RBFOX1: variants seen among roughly 807,000 people sequenced by gnomAD.
RBFOX1 encodes the protein RNA binding protein fox-1 homolog 1.
RBFOX1 carries 8 observed loss-of-function variants against 57.7 expected under a neutral mutation model. The ratio of observed to expected loss-of-function variants is 0.14; its 90% CI spans 0.08 to 0.25. RBFOX1 has a LOEUF of 0.25. Among genes scored for constraint, RBFOX1 ranks in the 10% least tolerant of loss-of-function variants. The probability of loss-of-function intolerance (pLI) is 1.00; values close to 1 mark genes in which losing one functional copy is unlikely to be tolerated. For missense variants in RBFOX1, 611 were observed against 548.5 expected, an observed-to-expected ratio of 1.11 and a Z score of -1.14; for synonymous variants, 326 against 222.4, an observed-to-expected ratio of 1.47 and a Z score of -4.15.
At chr16:6,557,621 G>C (rs1473624153) in intron 2 of RBFOX1, among the ~76,000 whole-genome samples, 1 of 152,144 alleles carries the variant, frequency 6.6e-6, no homozygotes. Context: ...GTTAAGTATC[G>C]CTGATTAATT....
intron 3 of RBFOX1, among the ~76,000 whole-genome samples, chr16:6,847,235 A>T (rs1423707672): frequency 6.6e-6 from 1 of 152,066 alleles, no homozygotes; most frequent in Non-Finnish European, 1.5e-5. Flanking sequence ...CATGATATAC[A>T]ACATGTATCT....
At chr16:5,914,987 T>A (rs2109033) in intron 4 of RBFOX1, among the ~76,000 whole-genome samples, 1 of 151,896 alleles carries the variant, frequency 6.6e-6, no homozygotes, top group Admixed American at 6.6e-5. Flanking sequence ...CCTACTATTG[T>A]GATGTGCCAT....
intron 2 of RBFOX1, among the ~76,000 whole-genome samples, chr16:6,621,187 C>T (rs1027750559): frequency 2.5e-4 from 38 of 152,178 alleles, no homozygotes; most frequent in Admixed American, 2.2e-3. Context: ...TCAGGCCGGG[C>T]GCGGTGGCTC....
chr16:5,521,070 GC>G (rs2043994264), intron 2 of RBFOX1, among the ~76,000 whole-genome samples: 1 of 152,192 alleles, frequency 6.6e-6, no homozygotes, highest in Non-Finnish European at 1.5e-5. Context: ...TACTGAACCA[GC>G]CCCTAACCTC....
intron 3 of RBFOX1, among the ~76,000 whole-genome samples, chr16:6,961,011 G>A (rs2082864303): frequency 6.7e-6 from 1 of 150,050 alleles, no homozygotes; most frequent in Admixed American, 6.7e-5. Context: ...GGGCATGGTG[G>A]CCAGCAACTA....
At position 6,513,193 on chromosome 16, in the gene RBFOX1, G is replaced by C. The variant is rs1598601056; in HGVS notation, c.-63-141410G>C. On this transcript the variant is annotated intron_variant, in intron 2 of 15. Coordinates refer to ENST00000550418, the MANE Select transcript of RBFOX1 (RefSeq NM_018723.4). ...TTCATCTGTAAACTCATGAGAGTAAGAATGCCTAGCATATTGGGGCTTAGG... is the reference window on the plus strand; with the variant it reads ...TTCATCTGTAAACTCATGAGAGTAACAATGCCTAGCATATTGGGGCTTAGG... 2.6e-5 allele frequency among the ~76,000 whole-genome samples: 4 copies of C among 152,298 alleles called. 1 individual carries two copies. In the East Asian group the frequency reaches 7.7e-4, roughly 29 times the overall value.
chr16:7,675,660 G>C (rs145744166), intron 13 of RBFOX1, among the ~76,000 whole-genome samples: 1 of 152,092 alleles, frequency 6.6e-6, no homozygotes, highest in Admixed American at 6.5e-5. Flanking sequence ...ATGTCTTATC[G>C]TATTTAGTTT....
intron 3 of RBFOX1, among the ~76,000 whole-genome samples, chr16:6,685,300 G>T (rs2059267023): frequency 7.4e-6 from 1 of 134,258 alleles, no homozygotes; most frequent in Non-Finnish European, 1.5e-5. Flanking sequence ...TTTTGAGATG[G>T]AGTCTCACCC....
At chr16:6,391,921 A>T (rs2092622753) in intron 2 of RBFOX1, among the ~76,000 whole-genome samples, 1 of 152,198 alleles carries the variant, frequency 6.6e-6, no homozygotes, top group Non-Finnish European at 1.5e-5. Context: ...AGCGCTGAGG[A>T]GAGAGTGAAT....
intron 3 of RBFOX1, among the ~76,000 whole-genome samples, chr16:7,034,841 C>CTTTTTCTTTTTTTTTTTTTTTTTT (rs1424741274): frequency 2.6e-5 from 1 of 39,166 alleles, no homozygotes; most frequent in African/African-American, 1.2e-4. Flanking sequence ...TTTTTTTTTT[C>CTTTTTCTTTTTTTTTTTTTTTTTT]TTTTTTCTTT....
intron 1 of RBFOX1, among the ~76,000 whole-genome samples, chr16:5,257,225 A>G (rs1467153550): frequency 2.6e-5 from 4 of 152,224 alleles, no homozygotes; most frequent in Non-Finnish European, 4.4e-5. Flanking sequence ...ACCTTAGGCA[A>G]TATCTGCAAA....
intron 4 of RBFOX1, among the ~76,000 whole-genome samples, chr16:7,289,475 C>G (rs1166871198): frequency 6.6e-6 from 1 of 152,082 alleles, no homozygotes; most frequent in African/African-American, 2.4e-5. Context: ...ACTGTCACCA[C>G]CATTATGATT....
chr16:6,762,019 C>T (rs1358398562), intron 3 of RBFOX1, among the ~76,000 whole-genome samples: 1 of 152,116 alleles, frequency 6.6e-6, no homozygotes, highest in African/African-American at 2.4e-5. Flanking sequence ...TCTACAGGTG[C>T]TAAGATGAAA....
At chr16:6,277,227 A>C (rs2075893846) in intron 1 of RBFOX1, among the ~76,000 whole-genome samples, 1 of 152,086 alleles carries the variant, frequency 6.6e-6, no homozygotes. Flanking sequence ...TTGAGTGGCC[A>C]AGGCAGGCAG....
intron 2 of RBFOX1, among the ~76,000 whole-genome samples, chr16:6,420,316 G>A (rs1192209442): frequency 6.6e-6 from 1 of 151,554 alleles, no homozygotes; most frequent in Non-Finnish European, 1.5e-5. Context: ...AGTAGCAATT[G>A]CCTCCAGGTG....
intron 3 of RBFOX1, among the ~76,000 whole-genome samples, chr16:6,936,201 G>A (rs952445468): frequency 3.3e-5 from 5 of 152,144 alleles, no homozygotes; most frequent in African/African-American, 1.2e-4. Context: ...ATTACCTTAA[G>A]GATATTCTTT....
chr16:5,517,087 C>G (rs1022340964), intron 2 of RBFOX1, among the ~76,000 whole-genome samples: 8 of 151,740 alleles, frequency 5.3e-5, no homozygotes, highest in Admixed American at 6.6e-5. Context: ...TAGAAGACCT[C>G]CAGTGGTTGG....
intron 4 of RBFOX1, among the ~76,000 whole-genome samples, chr16:5,978,644 A>G (rs1474581373): frequency 6.7e-6 from 1 of 148,454 alleles, no homozygotes; most frequent in Non-Finnish European, 1.5e-5. Flanking sequence ...AAAAAGACTC[A>G]GAGTCTCAAA....
At chr16:5,815,942 A>G (rs909199205) in intron 3 of RBFOX1, among the ~76,000 whole-genome samples, 1 of 152,116 alleles carries the variant, frequency 6.6e-6, no homozygotes, top group Non-Finnish European at 1.5e-5. Flanking sequence ...GGGTATTACA[A>G]TTGGTTAAAA....
Sources: allele counts gnomAD v4.1 joint callset (sites outside exome capture counted in the v4.1 genomes callset), GRCh38; gene constraint gnomAD v4.1.1; transcripts MANE v1.5; gene names NCBI Gene and HGNC (gene_info 2026-07-23, HGNC 2026-07-21).